RGSL1: variants seen among roughly 807,000 people sequenced by gnomAD.
RGSL1 encodes regulator of G protein signaling like 1.
In RGSL1, 97 loss-of-function variants were observed where a neutral mutation model predicts 124.7. That is an observed-to-expected ratio of 0.78 (90% CI 0.66 to 0.92). The LOEUF (loss-of-function observed/expected upper bound fraction) is 0.92, where lower values mean the gene tolerates loss of function less well. Ranked by LOEUF, RGSL1 falls within the 40% of genes least tolerant of loss-of-function variation. RGSL1 has a pLI of 0.00. For synonymous variants in RGSL1, 424 were observed against 438.1 expected (o/e 0.97, Z 0.40); for missense variants, 1,233 against 1,288.4 (o/e 0.96, Z 0.66).
At chr1:182,520,242 T>G (rs766095122) in intron 9 of RGSL1, among the ~76,000 whole-genome samples, 2 of 152,196 alleles carry the variant, frequency 1.3e-5, no homozygotes, top group Non-Finnish European at 2.9e-5. Context: ...TCAAAGCTAG[T>G]TCTCATTCCC....
At chr1:182,520,426 T>A (rs2102232501) in intron 9 of RGSL1, among the ~76,000 whole-genome samples, 1 of 152,312 alleles carries the variant, frequency 6.6e-6, no homozygotes, top group Non-Finnish European at 1.5e-5. Context: ...GTCTTAAGAA[T>A]AAAAGCAATA....
At chr1:182,548,898 C>T (rs1213089449) in intron 17 of RGSL1, 74 bp downstream of exon 17, 1 of 1,507,292 alleles carries the variant, frequency 6.6e-7, no homozygotes. Flanking sequence ...TTTCTGCCTT[C>T]CTCTAGCACT....
chr1:182,541,996 A>G (rs1450181265), intron 15 of RGSL1, among the ~76,000 whole-genome samples: 1 of 152,138 alleles, frequency 6.6e-6, no homozygotes, highest in African/African-American at 2.4e-5. Flanking sequence ...TCAGATGGAT[A>G]GTTTGCAAAT....
intron 14 of RGSL1, among the ~76,000 whole-genome samples, chr1:182,538,537 A>G (rs1659692122): frequency 6.6e-6 from 1 of 152,162 alleles, no homozygotes; most frequent in Non-Finnish European, 1.5e-5. Context: ...CAAAAAAAAA[A>G]AAAATTCAGC....
intron 8 of RGSL1, among the ~76,000 whole-genome samples, chr1:182,491,621 A>G (rs1250854788): frequency 6.6e-6 from 1 of 152,178 alleles, no homozygotes; most frequent in Non-Finnish European, 1.5e-5. Flanking sequence ...ACCTGGACCC[A>G]CTGCAGAAAT....
At chr1:182,536,127 C>G (rs897609527) in intron 14 of RGSL1, among the ~76,000 whole-genome samples, 1 of 152,124 alleles carries the variant, frequency 6.6e-6, no homozygotes, top group East Asian at 1.9e-4. Flanking sequence ...TTGCATATAT[C>G]AGTAACTCAT....
intron 8 of RGSL1, among the ~76,000 whole-genome samples, chr1:182,489,998 G>A (rs1655400483): frequency 6.6e-6 from 1 of 152,050 alleles, no homozygotes; most frequent in Non-Finnish European, 1.5e-5. Flanking sequence ...AAATACGTTT[G>A]ACTTCATAAT....
At chr1:182,521,936 C>A in intron 9 of RGSL1, 68 bp from the exon 10 acceptor site, 1 of 1,034,148 alleles carries the variant, frequency 9.7e-7, no homozygotes, top group Non-Finnish European at 1.4e-6. Context: ...TGAAAAATAT[C>A]CTTGCTAGTT....
chr1:182,546,857 A>G (rs1660243655), intron 15 of RGSL1, among the ~76,000 whole-genome samples: 1 of 152,240 alleles, frequency 6.6e-6, no homozygotes, highest in Admixed American at 6.5e-5. Flanking sequence ...ATAGGGAAAG[A>G]TACTTGGGAA....
In RGSL1 at chr1:182,492,628, C is replaced by CTT. The variant is rs34513069; in HGVS notation, c.1718-381_1718-380dup. On this transcript the variant is annotated intron_variant, in intron 8 of 21. Transcript: ENST00000294854. ...AACACTATTGGCCTCTTTAAATAAC[C>CTT]TTTTTTTTTTTTTTGAGATGGATTC... 1.6e-3 allele frequency among the ~76,000 whole-genome samples: 230 copies of CTT among 141,742 alleles called. 1 individual carries two copies. Among genetic ancestry groups the CTT allele is most frequent in the Non-Finnish European group, 1.7e-3 (113 of 65,518 alleles). The allele number at this position is 141,742 out of a possible 152,430, so 93.0% of individuals were successfully genotyped here. A position where few individuals can be genotyped will look rare whatever the true frequency, so the allele number is the denominator to read the frequency against.
intron 21 of RGSL1, among the ~76,000 whole-genome samples, chr1:182,558,920 A>G (rs1233992673): frequency 6.6e-6 from 1 of 152,118 alleles, no homozygotes; most frequent in Non-Finnish European, 1.5e-5. Flanking sequence ...TAGAGCATGG[A>G]TATCCTAGGG....
chr1:182,490,915 C>CTT (rs10676767), intron 8 of RGSL1, among the ~76,000 whole-genome samples: 18,766 of 128,938 alleles, frequency 0.15, 1,829 homozygotes, highest in East Asian at 0.36. Flanking sequence ...AGAACATTAT[C>CTT]TTTTTTTTTT....
intron 18 of RGSL1, among the ~76,000 whole-genome samples, chr1:182,551,595 T>C (rs1660568590): frequency 6.6e-6 from 1 of 152,240 alleles, no homozygotes. Flanking sequence ...AAAAACTGCA[T>C]ATATATAGTT....
Position 182,472,510 on chromosome 1 carries a change from A to T in RGSL1, c.416A>T (p.His139Leu). 6.5e-7 allele frequency: 1 copy of T among 1,549,954 alleles called. No individual in the cohort carries two copies. Among genetic ancestry groups the T allele is most frequent in the Non-Finnish European group, 8.7e-7 (1 of 1,145,900 alleles). Residue 139 changes from histidine (H) to leucine (L), a missense_variant, in exon 5 of 22, where the codon CAT becomes CTT. By Grantham distance (99) the His-to-Leu change is moderately conservative. Transcript: ENST00000294854. ...CTCCTCCTCATGCTGAGGGCCACTC[A>T]TCTGCAGGAGGGCTCCAGGGTGGTA... ...LSLLLMLRAT[H>L]LQEGSRVVTL...
intron 11 of RGSL1, 54 bp downstream of exon 11, chr1:182,527,826 A>G: frequency 7.0e-7 from 1 of 1,434,468 alleles, no homozygotes; most frequent in Non-Finnish European, 9.4e-7. Flanking sequence ...TCTTAGGAGA[A>G]TAGCCTGGGA....
Position 182,556,120 on chromosome 1 carries a change from T to G in RGSL1, c.*63T>G. The G allele has an allele frequency of 1.4e-6, 2 of 1,467,064 alleles. No homozygotes were observed. Among genetic ancestry groups the G allele is most frequent in the Non-Finnish European group, 1.9e-6 (2 of 1,080,996 alleles). 90.9% of individuals were successfully genotyped at this position (1,467,064 alleles called of 1,614,324 possible). On this transcript the variant is annotated 3_prime_UTR_variant, in exon 21 of 22. Coordinates refer to ENST00000294854, the MANE Select transcript of RGSL1 (RefSeq NM_001137669.2). ...GAGGCCTCCTAACACTGACAGAAAC[T>G]TTTCTGGTCAAAAATGAAAGGTCCT...
upstream of RGSL1, among the ~76,000 whole-genome samples, chr1:182,448,848 C>T (rs1651627910): frequency 6.6e-6 from 1 of 152,132 alleles, no homozygotes; most frequent in Admixed American, 6.6e-5. Context: ...ATGGCTCCAA[C>T]AGTCAGCCTT....
chr1:182,542,289 A>G (rs945257327), intron 15 of RGSL1, among the ~76,000 whole-genome samples: 2 of 152,172 alleles, frequency 1.3e-5, no homozygotes, highest in African/African-American at 4.8e-5. Context: ...ATGGACATTC[A>G]GTTTTCCTAT....
chr1:182,500,898 A>G (rs1252422722), intron 9 of RGSL1, among the ~76,000 whole-genome samples: 1 of 152,154 alleles, frequency 6.6e-6, no homozygotes, highest in Non-Finnish European at 1.5e-5. Flanking sequence ...GATTCTTTAG[A>G]ATTTTCTGTA....
Sources: gnomAD v4.1 joint callset for allele counts (sites outside exome capture counted in the v4.1 genomes callset) on GRCh38, gnomAD v4.1.1 for gene constraint, MANE v1.5 for transcripts, NCBI Gene and HGNC (gene_info 2026-07-23, HGNC 2026-07-21) for gene names.